RARB: variants seen among roughly 807,000 people sequenced by gnomAD.
The protein encoded by RARB is HBV-activated protein.
RARB carries 17 observed loss-of-function variants against 51.9 expected under a neutral mutation model. That is an observed-to-expected ratio of 0.33 (90% CI 0.22 to 0.49). RARB has a LOEUF of 0.49. RARB is among the 20% of genes least tolerant of loss of function. RARB has a pLI of 0.99. For synonymous variants in RARB, 215 were observed against 195.4 expected, an observed-to-expected ratio of 1.10 and a Z score of -0.84; for missense variants, 369 against 550.8, an observed-to-expected ratio of 0.67 and a Z score of 3.30.
intron 4 of RARB, among the ~76,000 whole-genome samples, chr3:25,147,811 C>A (rs1380369808): frequency 6.6e-6 from 1 of 152,216 alleles, no homozygotes; most frequent in Non-Finnish European, 1.5e-5. Context: ...GCCAATGAGA[C>A]TTAAGCTGAA....
chr3:25,071,416 A>G (rs2125308547), intron 3 of RARB, among the ~76,000 whole-genome samples: 1 of 152,278 alleles, frequency 6.6e-6, no homozygotes, highest in Admixed American at 6.5e-5. Context: ...GAGAAGTAAT[A>G]TATCTTTCCC....
chr3:25,198,502 A>T (rs778200386), intron 5 of RARB, among the ~76,000 whole-genome samples: 1 of 152,176 alleles, frequency 6.6e-6, no homozygotes, highest in African/African-American at 2.4e-5. Context: ...AATGGGAGAA[A>T]ATATTTGCAA....
intron 3 of RARB, among the ~76,000 whole-genome samples, chr3:25,104,470 C>G (rs182583259): frequency 6.6e-6 from 1 of 151,992 alleles, no homozygotes; most frequent in Non-Finnish European, 1.5e-5. Flanking sequence ...GGGGGAAAAC[C>G]CATCTCTACT....
chr3:24,898,128 T>A (rs964208549), intron 2 of RARB, among the ~76,000 whole-genome samples: 1 of 152,052 alleles, frequency 6.6e-6, no homozygotes, highest in African/African-American at 2.4e-5. Context: ...AGCCCGGAGT[T>A]TGAGTCCACA....
chr3:25,012,756 G>A, intron 2 of RARB, among the ~76,000 whole-genome samples: 1 of 152,044 alleles, frequency 6.6e-6, no homozygotes, highest in East Asian at 1.9e-4. Flanking sequence ...AATAAAGTGA[G>A]AGATATACAA....
In RARB at chr3:25,489,985, T is replaced by A. The variant is rs948103051; in HGVS notation, c.307-11197T>A. 2.6e-5 allele frequency among the ~76,000 whole-genome samples: 4 copies of A among 152,230 alleles called. No individual in the cohort carries two copies. In the East Asian group the frequency reaches 7.7e-4, roughly 29 times the overall value. ...TCCATTTTGAGAGCTGGAGCTTAAG[T>A]AATATTTTCTCAATAAACTTAGTGA... On this transcript the variant is annotated intron_variant, in intron 2 of 7. Transcript: ENST00000330688.
chr3:25,493,354 G>A (rs142710367), intron 2 of RARB, among the ~76,000 whole-genome samples: 5 of 152,212 alleles, frequency 3.3e-5, no homozygotes, highest in African/African-American at 1.2e-4. Context: ...TTTTTTGTTT[G>A]TTTAAGGCAA....
At chr3:25,318,236 T>C (rs896961423) in intron 5 of RARB, among the ~76,000 whole-genome samples, 3 of 152,212 alleles carry the variant, frequency 2.0e-5, no homozygotes, top group African/African-American at 7.2e-5. Context: ...TTCACAGCCA[T>C]CACGATAGCT....
chr3:25,589,073 A>G (rs1431540024), intron 5 of RARB, among the ~76,000 whole-genome samples: 1 of 152,234 alleles, frequency 6.6e-6, no homozygotes, highest in Non-Finnish European at 1.5e-5. Context: ...CCTCAGTTTT[A>G]AAACAATGTT....
At chr3:25,368,353 A>G (rs1706192828) in intron 5 of RARB, among the ~76,000 whole-genome samples, 2 of 152,144 alleles carry the variant, frequency 1.3e-5, no homozygotes, top group African/African-American at 4.8e-5. Context: ...ACAATAGGTG[A>G]TGGAGTTGGT....
chr3:24,877,512 C>T (rs1289792826), intron 2 of RARB, among the ~76,000 whole-genome samples: 1 of 144,930 alleles, frequency 6.9e-6, no homozygotes, highest in Non-Finnish European at 1.6e-5. Flanking sequence ...CTTCATCCTC[C>T]TACACAAAAT....
At chr3:25,341,450 G>A (rs1705224661) in intron 5 of RARB, among the ~76,000 whole-genome samples, 1 of 152,142 alleles carries the variant, frequency 6.6e-6, no homozygotes, top group African/African-American at 2.4e-5. Flanking sequence ...CACCTATTTT[G>A]TCTTCAGCAA....
At chr3:24,916,765 TTCAAAAAAAAAAAAAAAAAAAC>T (rs1189916690) in intron 2 of RARB, among the ~76,000 whole-genome samples, 1 of 48,694 alleles carries the variant, frequency 2.1e-5, no homozygotes, top group Non-Finnish European at 3.8e-5. Context: ...GTGTTTGCTG[TTCAAAAAAAAAAAAAAAAAAAC>T]CTTGTACAAG....
intron 2 of RARB, among the ~76,000 whole-genome samples, chr3:24,860,286 T>C (rs949560135): frequency 1.3e-5 from 2 of 152,268 alleles, no homozygotes; most frequent in Admixed American, 1.3e-4. Context: ...CCTTTTGCAT[T>C]TGGGACATTC....
At chr3:24,982,814 A>G (rs1341848139) in intron 2 of RARB, among the ~76,000 whole-genome samples, 1 of 152,174 alleles carries the variant, frequency 6.6e-6, no homozygotes, top group Admixed American at 6.5e-5. Flanking sequence ...TAATTATTGG[A>G]GAACTCCAGA....
chr3:25,211,022 C>CA (rs1390252263), intron 5 of RARB, among the ~76,000 whole-genome samples: 2 of 152,134 alleles, frequency 1.3e-5, no homozygotes, highest in Admixed American at 1.3e-4. Context: ...ATAAAGTTAA[C>CA]AGTACCTATC....
At position 24,949,723 on chromosome 3, in the gene RARB, G is replaced by C. The variant is rs148747020; in HGVS notation, c.-380+90971G>C. On this transcript the variant is annotated intron_variant, in intron 2 of 11. Coordinates refer to the RARB transcript ENST00000383772. ...CTTAGCATTCCTGGGATTCCCCTCT[G>C]TGCCGGACATTACGCTACAGTCTCT... 6.7e-3 allele frequency among the ~76,000 whole-genome samples: 1,018 copies of C among 152,266 alleles called. 14 individuals carry two copies. Among genetic ancestry groups the C allele is most frequent in the African/African-American group, 0.023 (967 of 41,556 alleles).
chr3:25,340,919 C>G (rs1375158674), intron 5 of RARB, among the ~76,000 whole-genome samples: 1 of 152,150 alleles, frequency 6.6e-6, no homozygotes, highest in Non-Finnish European at 1.5e-5. Context: ...AGTACAGAAT[C>G]ATTCTCATTA....
At position 25,170,763 on chromosome 3, in the gene RARB, A is replaced by G. The variant is rs187097889; in HGVS notation, c.-279-3356A>G. Among the ~76,000 whole-genome samples, 910 of 152,308 alleles carry G rather than the reference A, an allele frequency of 6.0e-3. 4 individuals are homozygous for G. The highest frequency in any genetic ancestry group is 8.6e-3 in the Non-Finnish European group (585 of 68,020). On this transcript the variant is annotated intron_variant, in intron 4 of 11. Transcript: ENST00000383772. ...TTGTGGAATTGATTTCCACAATTAT[A>G]TACATACAGAGAAAAATTATATACA...
Sources: allele counts gnomAD v4.1 joint callset (sites outside exome capture counted in the v4.1 genomes callset), GRCh38; gene constraint gnomAD v4.1.1; transcripts MANE v1.5; gene names NCBI Gene and HGNC (gene_info 2026-07-23, HGNC 2026-07-21).